Variants in EXOC1 observed in about 807,000 individuals in gnomAD.
EXOC1 encodes the protein exocyst complex component 1.
Under a neutral mutation model 107.7 loss-of-function variants are expected in EXOC1, and 67 were observed. That is an observed-to-expected ratio of 0.62 (90% CI 0.51 to 0.76). The LOEUF is 0.76. EXOC1 is among the 30% of genes least tolerant of loss of function. The pLI is 0.00. For synonymous variants in EXOC1, 348 were observed against 353.5 expected (o/e 0.98, Z 0.17); for missense variants, 833 against 1,055.7 (o/e 0.79, Z 2.92).
intron 10 of EXOC1, among the ~76,000 whole-genome samples, chr4:55,886,602 C>A (rs1469694531): frequency 6.7e-6 from 1 of 149,768 alleles, no homozygotes; most frequent in South Asian, 2.1e-4. Context: ...AGAAATGTAA[C>A]CCCATCGTAA....
chr4:55,855,083 AG>A (rs1416178000), intron 1 of EXOC1, among the ~76,000 whole-genome samples: 2 of 152,226 alleles, frequency 1.3e-5, no homozygotes, highest in African/African-American at 4.8e-5. Flanking sequence ...ACCAAAGTGA[AG>A]ATTTGATGTC....
At chr4:55,875,638 C>G in intron 8 of EXOC1, 1 of 985,188 alleles carries the variant, frequency 1.0e-6, no homozygotes, top group Non-Finnish European at 1.2e-6. Flanking sequence ...AGTCTTGAAT[C>G]ATTGAGAAAA....
At chr4:55,867,493 A>T (rs1394555406) in intron 4 of EXOC1, among the ~76,000 whole-genome samples, 1 of 152,108 alleles carries the variant, frequency 6.6e-6, no homozygotes, top group Admixed American at 6.5e-5. Flanking sequence ...TAGGAGTTAA[A>T]AATGATTTCT....
intron 8 of EXOC1, among the ~76,000 whole-genome samples, chr4:55,874,389 C>A (rs1722710369): frequency 6.6e-6 from 1 of 152,008 alleles, no homozygotes; most frequent in Non-Finnish European, 1.5e-5. Flanking sequence ...ATACTATTAT[C>A]CACTTTCATT....
intron 10 of EXOC1, among the ~76,000 whole-genome samples, chr4:55,886,164 T>A (rs1388758721): frequency 6.6e-6 from 1 of 152,194 alleles, no homozygotes; most frequent in African/African-American, 2.4e-5. Context: ...GTTTTCACCA[T>A]GTTTAAGGTA....
intron 11 of EXOC1, among the ~76,000 whole-genome samples, chr4:55,889,516 G>C (rs748175850): frequency 6.6e-6 from 1 of 152,070 alleles, no homozygotes; most frequent in Non-Finnish European, 1.5e-5. Context: ...CCTAAACACA[G>C]ATGTCCCATA....
chr4:55,859,437 T>C (rs1265656775), intron 2 of EXOC1, among the ~76,000 whole-genome samples: 1 of 152,184 alleles, frequency 6.6e-6, no homozygotes, highest in African/African-American at 2.4e-5. Flanking sequence ...AAATCATATA[T>C]TGTTAGAATT....
chr4:55,858,738 T>G (rs1649276744), intron 2 of EXOC1, among the ~76,000 whole-genome samples: 1 of 152,218 alleles, frequency 6.6e-6, no homozygotes, highest in Admixed American at 6.5e-5. Flanking sequence ...TTTACCTGTT[T>G]AAGCCTTTTA....
intron 1 of EXOC1, among the ~76,000 whole-genome samples, chr4:55,856,024 C>G (rs182282343): frequency 1.1e-4 from 17 of 152,246 alleles, no homozygotes; most frequent in African/African-American, 3.9e-4. Flanking sequence ...AGGCTAACTG[C>G]TAGACCTGGA....
intron 5 of EXOC1, among the ~76,000 whole-genome samples, chr4:55,869,793 C>T (rs1007384386): frequency 6.6e-6 from 1 of 152,196 alleles, no homozygotes; most frequent in Admixed American, 6.5e-5. Context: ...TGTGAAACCA[C>T]AGCGTCAGCT....
chr4:55,899,784 CATGTCTA>C lies in EXOC1; in HGVS notation c.2238_2244del (p.Cys747LysfsTer23), dbSNP rs746412327. On this transcript the variant is annotated frameshift_variant, in exon 17 of 19. Coordinates refer to ENST00000381295, the MANE Select transcript of EXOC1 (RefSeq NM_001024924.2). LOFTEE classifies it high-confidence loss of function. ...GCAACTCTTTCTCGATTGAAAATCTCATGTCTAGAAGCAGAAAAAAAAGAAGCCAAAC... is the reference window on the plus strand; with the variant it reads ...GCAACTCTTTCTCGATTGAAAATCTCGAAGCAGAAAAAAAAGAAGCCAAAC... 1 of 1,613,492 alleles carries C rather than the reference CATGTCTA, an allele frequency of 6.2e-7. No individual in the cohort carries two copies. The highest frequency in any genetic ancestry group is 8.5e-7 in the Non-Finnish European group (1 of 1,179,712).
intron 9 of EXOC1, among the ~76,000 whole-genome samples, chr4:55,879,717 T>C (rs780926937): frequency 9.2e-5 from 14 of 152,138 alleles, no homozygotes; most frequent in Non-Finnish European, 1.9e-4. Flanking sequence ...GCTAACGAAT[T>C]CCCACCTATC....
chr4:55,881,659 A>T (rs559384745), intron 9 of EXOC1, among the ~76,000 whole-genome samples: 18 of 152,224 alleles, frequency 1.2e-4, no homozygotes, highest in Non-Finnish European at 2.2e-4. Context: ...GGGGGCTTCC[A>T]GATCATAGGT....
intron 12 of EXOC1, among the ~76,000 whole-genome samples, chr4:55,890,596 A>T (rs1204808473): frequency 6.6e-6 from 1 of 152,204 alleles, no homozygotes; most frequent in Non-Finnish European, 1.5e-5. Context: ...AATGGCATAA[A>T]AGCTTTATTA....
intron 17 of EXOC1, chr4:55,902,081 GA>G (rs1354784122): frequency 2.6e-5 from 6 of 228,946 alleles, no homozygotes; most frequent in Admixed American, 1.1e-4. Context: ...TTATATTTAG[GA>G]AAAAACAATA....
intron 3 of EXOC1, among the ~76,000 whole-genome samples, chr4:55,861,214 C>G (rs1721441418): frequency 6.6e-6 from 1 of 152,128 alleles, no homozygotes; most frequent in Non-Finnish European, 1.5e-5. Flanking sequence ...CCCCCTGGCC[C>G]TCTCTCACTC....
chr4:55,870,624 T>C, intron 5 of EXOC1, 54 bp from the exon 6 acceptor site: 3 of 1,448,696 alleles, frequency 2.1e-6, no homozygotes, highest in Non-Finnish European at 2.9e-6. Flanking sequence ...ATAACAAGTA[T>C]GTTTTTTGTT....
chr4:55,866,841 C>T (rs1722004703), intron 4 of EXOC1: 12 of 984,786 alleles, frequency 1.2e-5, no homozygotes, highest in South Asian at 4.7e-5. Flanking sequence ...GCTTACTTTC[C>T]TCTGCTTTTT....
rs188544484 is a variant in EXOC1 at position 55,876,602 on chromosome 4, T to C, written c.1075-1315T>C. On this transcript the variant is annotated intron_variant, in intron 8 of 18. Transcript: ENST00000381295. ...ATTATGGACCTATTAATATACCTTG[T>C]GTATAACATCTGTGGTAGCTGTGAA... 1.4e-4 allele frequency: 134 copies of C among 985,290 alleles called. 2 individuals are homozygous for C. The African/African-American group carries it at 2.2e-3, about 16-fold the overall frequency. 61.0% of individuals were successfully genotyped at this position (985,290 alleles called of 1,614,324 possible).
Sources: allele counts gnomAD v4.1 joint callset (sites outside exome capture counted in the v4.1 genomes callset), GRCh38; gene constraint gnomAD v4.1.1; transcripts MANE v1.5; gene names NCBI Gene and HGNC (gene_info 2026-07-23, HGNC 2026-07-21).